The following SRPK2 variants were observed in gnomAD, a reference collection of about 807,000 sequenced individuals.
The protein encoded by SRPK2 is SFRS protein kinase 2.
Under a neutral mutation model 90.8 loss-of-function variants are expected in SRPK2, and 21 were observed. The observed-to-expected ratio is 0.23, with a 90% CI of 0.16 to 0.33. The LOEUF (loss-of-function observed/expected upper bound fraction) is 0.33. Among genes scored for constraint, SRPK2 ranks in the 10% least tolerant of loss-of-function variants. SRPK2 has a pLI of 1.00. For synonymous variants in SRPK2, 288 were observed against 311.1 expected (o/e 0.93, Z 0.78); for missense variants, 620 against 869.0 (o/e 0.71, Z 3.60).
chr7:105,292,844 C>T (rs1008324806), intron 2 of SRPK2, among the ~76,000 whole-genome samples: 4 of 152,188 alleles, frequency 2.6e-5, no homozygotes, highest in Non-Finnish European at 5.9e-5. Context: ...AGTTCTACAT[C>T]AGGTTCTTAT....
In SRPK2 at chr7:105,132,826, T is replaced by C; in HGVS notation, c.1717A>G (p.Ser573Gly). 2 of 1,610,314 alleles carry C rather than the reference T, an allele frequency of 1.2e-6. No individual in the cohort carries two copies. The highest frequency in any genetic ancestry group is 1.7e-6 in the Non-Finnish European group (2 of 1,178,050). ...GTGCTCCAGATGTCCGCAGGGGTGC[T>C]GTACCCCGCTCCTATTAAAACCTCT... is the stretch of plus-strand genomic sequence containing the variant. Reference protein sequence around the residue: ...SIEVLIGAGYSTPADIWSTAC... With the variant: ...SIEVLIGAGYGTPADIWSTAC... Residue 573 changes from serine (S) to glycine (G), a missense_variant, in exon 13 of 16, where the codon AGC becomes GGC. Coordinates refer to ENST00000393651, the MANE Select transcript of SRPK2 (RefSeq NM_182692.3).
intron 2 of SRPK2, among the ~76,000 whole-genome samples, chr7:105,365,487 C>CA (rs374198950): frequency 0.39 from 26,881 of 69,404 alleles, 4,238 homozygotes; most frequent in East Asian, 0.41. Flanking sequence ...AATTCTGTCT[C>CA]AAAAAAAAAA....
Position 105,132,851 on chromosome 7 carries a change from T to C in SRPK2, c.1692A>G (p.Ile564Met). The part of the protein sequence containing the change: ...EDIQTRQYRS[I>M]EVLIGAGYST... ...TGTACCCCGCTCCTATTAAAACCTC[T>C]ATGGAGCGGTACTGACGCGTCTGGA... Residue 564 changes from isoleucine (I) to methionine (M), a missense_variant, in exon 13 of 16, where the codon ATA (isoleucine) becomes ATG (methionine). Around this residue, in one of 8 missense-constraint regions of SRPK2, gnomAD observed 25 missense variants for 21.4 expected, o/e 1.17. Coordinates refer to ENST00000393651, the MANE Select transcript of SRPK2 (RefSeq NM_182692.3). The C allele has an allele frequency of 6.2e-7, 1 of 1,611,268 alleles. No homozygotes were observed. The highest frequency in any genetic ancestry group is 8.5e-7 in the Non-Finnish European group (1 of 1,178,528).
At chr7:105,385,571 C>T (rs150451143) in intron 2 of SRPK2, among the ~76,000 whole-genome samples, 200 of 152,248 alleles carry the variant, frequency 1.3e-3, no homozygotes, top group Middle Eastern at 6.8e-3. Context: ...CTCCTGCCTC[C>T]CATCAACCTC....
At chr7:105,166,653 G>C (rs1355648465) in intron 6 of SRPK2, among the ~76,000 whole-genome samples, 1 of 152,120 alleles carries the variant, frequency 6.6e-6, no homozygotes, top group Non-Finnish European at 1.5e-5. Flanking sequence ...AAACAATAAA[G>C]GTATTTTCGA....
downstream of SRPK2, chr7:105,115,129 T>C (rs911107160): frequency 6.6e-6 from 1 of 152,344 alleles, no homozygotes; most frequent in East Asian, 1.9e-4. Flanking sequence ...TACATTTTGA[T>C]TCCTTGATGA....
intron 7 of SRPK2, among the ~76,000 whole-genome samples, chr7:105,149,538 G>A (rs1446967741): frequency 6.6e-6 from 1 of 152,152 alleles, no homozygotes; most frequent in Non-Finnish European, 1.5e-5. Context: ...TTGGTATGCT[G>A]GGCGCCAGTC....
chr7:105,323,485 C>T (rs1194122154), intron 2 of SRPK2, among the ~76,000 whole-genome samples: 2 of 152,150 alleles, frequency 1.3e-5, no homozygotes, highest in African/African-American at 4.8e-5. Context: ...AACACCTACC[C>T]ATATTCCGTG....
intron 2 of SRPK2, among the ~76,000 whole-genome samples, chr7:105,259,197 T>C (rs1803821970): frequency 6.6e-6 from 1 of 152,186 alleles, no homozygotes; most frequent in Non-Finnish European, 1.5e-5. Context: ...AGTCTCAGGA[T>C]ACAAAATCAA....
chr7:105,294,181 G>A (rs559189687), intron 2 of SRPK2, among the ~76,000 whole-genome samples: 1 of 152,332 alleles, frequency 6.6e-6, no homozygotes, highest in Admixed American at 6.5e-5. Context: ...AAAGTTCAAT[G>A]AATGGAACTG....
chr7:105,278,284 C>T (rs1044848222), intron 2 of SRPK2, among the ~76,000 whole-genome samples: 4 of 145,834 alleles, frequency 2.7e-5, no homozygotes, highest in Non-Finnish European at 4.5e-5. Flanking sequence ...TACTGCACTC[C>T]AGCCTGGGCG....
rs1418845268 is a variant in SRPK2, at chr7:105,388,705, G to A, written c.17-3C>T. 1.9e-6 allele frequency: 3 copies of A among 1,581,546 alleles called. No homozygotes were observed. The highest frequency in any genetic ancestry group is 4.8e-5 in the East Asian group (2 of 42,076). ...CTTTCGGGCCTGAATGGCCAGCACT[G>A]GGGAAGAGAAGACACACATTAACGG... On this transcript the variant is annotated splice_polypyrimidine_tract_variant and splice_region_variant and intron_variant, in intron 1 of 15. Coordinates refer to ENST00000393651, the MANE Select transcript of SRPK2 (RefSeq NM_182692.3).
chr7:105,274,967 A>AAC (rs1489000235), intron 2 of SRPK2, among the ~76,000 whole-genome samples: 2 of 151,758 alleles, frequency 1.3e-5, no homozygotes, highest in Non-Finnish European at 2.9e-5. Context: ...GGCTCACTAT[A>AAC]ACCTCCGCCT....
chr7:105,355,729 GAC>G (rs1817708322), intron 2 of SRPK2, among the ~76,000 whole-genome samples: 1 of 152,012 alleles, frequency 6.6e-6, no homozygotes, highest in East Asian at 1.9e-4. Context: ...CTTTGCATAA[GAC>G]ACAGCCTGAG....
chr7:105,346,436 TA>T (rs1335448289), intron 2 of SRPK2, among the ~76,000 whole-genome samples: 3 of 152,026 alleles, frequency 2.0e-5, no homozygotes, highest in Non-Finnish European at 2.9e-5. Flanking sequence ...TGAAGGTCAA[TA>T]AACTGTAAGT....
upstream of SRPK2, among the ~76,000 whole-genome samples, chr7:105,393,007 GA>G (rs1204588581): frequency 1.4e-5 from 2 of 143,492 alleles, no homozygotes; most frequent in African/African-American, 2.6e-5. Flanking sequence ...TTTTGGTGGA[GA>G]GGGGAAGGGA....
chr7:105,376,056 T>C (rs578258236), intron 2 of SRPK2, among the ~76,000 whole-genome samples: 101 of 138,434 alleles, frequency 7.3e-4, no homozygotes, highest in African/African-American at 2.6e-3. Flanking sequence ...TGCAGTGTCG[T>C]GATCTCAGCT....
chr7:105,206,001 T>C (rs1258749669), intron 2 of SRPK2: 1 of 519,046 alleles, frequency 1.9e-6, no homozygotes, highest in East Asian at 5.4e-5. Context: ...ATGGCTCTTG[T>C]GCTGCCAGTG....
intron 2 of SRPK2, among the ~76,000 whole-genome samples, chr7:105,226,513 A>G (rs1798729620): frequency 6.6e-6 from 1 of 151,998 alleles, no homozygotes; most frequent in Non-Finnish European, 1.5e-5. Flanking sequence ...CTGGTCTTAG[A>G]ACTCCTGACC....
Sources: gnomAD v4.1 joint callset for allele counts (sites outside exome capture counted in the v4.1 genomes callset) on GRCh38, gnomAD v4.1.1 for gene constraint, gnomAD v4.1.1 regional missense constraint, MANE v1.5 for transcripts, NCBI Gene and HGNC (gene_info 2026-07-23, HGNC 2026-07-21) for gene names.